Variants in LMX1B observed in about 807,000 individuals in gnomAD.
The protein encoded by LMX1B is LIM homeobox transcription factor 1-beta.
A neutral mutation model predicts 51.4 loss-of-function variants in LMX1B; 12 were observed. That is an observed-to-expected ratio of 0.23 (90% CI 0.15 to 0.38). The LOEUF (loss-of-function observed/expected upper bound fraction) is 0.38. LMX1B is among the 10% of genes least tolerant of loss of function. LMX1B has a pLI of 1.00. For synonymous variants in LMX1B, 237 were observed against 235.4 expected (o/e 1.01, Z -0.06); for missense variants, 445 against 571.1 (o/e 0.78, Z 2.25).
At chr9:126,689,177 T>G (rs569652227) in intron 2 of LMX1B, among the ~76,000 whole-genome samples, 1 of 152,274 alleles carries the variant, frequency 6.6e-6, no homozygotes, top group East Asian at 1.9e-4. Context: ...CTGGGTAGAA[T>G]AGAGGTGGGT....
intron 2 of LMX1B, among the ~76,000 whole-genome samples, chr9:126,637,097 A>C (rs558744410): frequency 6.6e-6 from 1 of 152,352 alleles, no homozygotes; most frequent in Admixed American, 6.5e-5. Context: ...CAGTGCTATC[A>C]GTCAGGGAGT....
chr9:126,614,099 T>TGCCGCC lies in LMX1B; in HGVS notation c.-344_-339dup, dbSNP rs1835246536. 1.9e-5 allele frequency among the ~76,000 whole-genome samples: 2 copies of TGCCGCC among 103,316 alleles called. No individual in the cohort carries two copies. The highest frequency in any genetic ancestry group is 4.2e-5 in the Non-Finnish European group (2 of 47,658). The allele number at this position is 103,316 out of a possible 152,430, so 67.8% of individuals were successfully genotyped here. A position where few individuals can be genotyped will look rare whatever the true frequency, so the allele number is the denominator to read the frequency against. On this transcript the variant is annotated 5_prime_UTR_variant, in exon 1 of 8. Transcript: ENST00000373474. ...CTGCACCCCCACCCCCTCCCCCGCCTGCCGCCGCCGCCACCGCCACCGCCG... is the reference window on the plus strand; with the variant it reads ...CTGCACCCCCACCCCCTCCCCCGCCTGCCGCCGCCGCCGCCGCCACCGCCACCGCCG...
chr9:126,624,961 C>T (rs548085083), intron 2 of LMX1B, among the ~76,000 whole-genome samples: 14 of 152,284 alleles, frequency 9.2e-5, no homozygotes, highest in African/African-American at 3.1e-4. Flanking sequence ...CCGGTTTTAT[C>T]TTCTAATAAG....
intron 2 of LMX1B, among the ~76,000 whole-genome samples, chr9:126,678,098 G>A (rs1588297504): frequency 6.6e-6 from 1 of 152,110 alleles, no homozygotes; most frequent in Admixed American, 6.5e-5. Flanking sequence ...ATCACTTGAG[G>A]TTGGGAGTTT....
chr9:126,658,219 G>T lies in LMX1B; in HGVS notation c.327-32617G>T, dbSNP rs117836425. ...GTTGTAGGAGTGGGACAGGGCAGGAGGGGGGTGAGTCTACAAAGGGTACCA... is the reference window on the plus strand; with the variant it reads ...GTTGTAGGAGTGGGACAGGGCAGGATGGGGGTGAGTCTACAAAGGGTACCA... On this transcript the variant is annotated intron_variant, in intron 2 of 7. Coordinates refer to ENST00000373474, the MANE Select transcript of LMX1B (RefSeq NM_001174147.2). The surrounding 1 kb of genome is among the most constrained non-coding windows in gnomAD (Gnocchi z 4.0). Among the ~76,000 whole-genome samples the T allele has an allele frequency of 2.0e-5, 3 of 152,084 alleles. No homozygotes were observed. The highest frequency in any genetic ancestry group is 7.2e-5 in the African/African-American group (3 of 41,398).
At chr9:126,621,200 T>C (rs1835404617) in intron 2 of LMX1B, among the ~76,000 whole-genome samples, 1 of 152,224 alleles carries the variant, frequency 6.6e-6, no homozygotes, top group Non-Finnish European at 1.5e-5. Context: ...ACTTCCAATT[T>C]GTTGGACACC....
chr9:126,621,101 A>G (rs970007899), intron 2 of LMX1B, among the ~76,000 whole-genome samples: 2 of 152,244 alleles, frequency 1.3e-5, no homozygotes, highest in African/African-American at 4.8e-5. Flanking sequence ...TTTCTAAAAA[A>G]TAAAGAAAAG....
intron 2 of LMX1B, among the ~76,000 whole-genome samples, chr9:126,685,566 G>C (rs1217601089): frequency 6.6e-6 from 1 of 152,182 alleles, no homozygotes; most frequent in African/African-American, 2.4e-5. Flanking sequence ...GGACAGGGTT[G>C]CCTTGAGGAG....
At position 126,618,440 on chromosome 9, in the gene LMX1B, A is replaced by G. The variant is rs1269862300; in HGVS notation, c.326+2871A>G. The stretch of plus-strand genomic sequence containing the variant: ...ATCCTCTTGTACATCCTTGGCGGGC[A>G]GAGCAGAGCGCCGGCCGTGGAGTTT... On this transcript the variant is annotated intron_variant, in intron 2 of 7. Transcript: ENST00000373474. The surrounding 1 kb of genome is among the most constrained non-coding windows in gnomAD (Gnocchi z 4.5). Among the ~76,000 whole-genome samples, 1 of 152,222 alleles carries G rather than the reference A, an allele frequency of 6.6e-6. No homozygotes were observed. The highest frequency in any genetic ancestry group is 2.4e-5 in the African/African-American group (1 of 41,462).
chr9:126,663,979 A>T (rs1355736636), intron 2 of LMX1B, among the ~76,000 whole-genome samples: 3 of 152,144 alleles, frequency 2.0e-5, no homozygotes, highest in Non-Finnish European at 2.9e-5. Context: ...TCTGCCTGGT[A>T]TTTTTGGCAC....
chr9:126,621,017 C>T (rs540708853), intron 2 of LMX1B, among the ~76,000 whole-genome samples: 1 of 152,252 alleles, frequency 6.6e-6, no homozygotes, highest in South Asian at 2.1e-4. Context: ...GGCTCTGTGG[C>T]CTTGTGAGGT....
chr9:126,681,900 CAA>C (rs1284203389), intron 2 of LMX1B, among the ~76,000 whole-genome samples: 3 of 139,060 alleles, frequency 2.2e-5, no homozygotes, highest in African/African-American at 5.6e-5. Context: ...GACTCCATCT[CAA>C]AAAAAAAAAA....
In LMX1B at chr9:126,695,668, G is replaced by A. The variant is rs1026798656; in HGVS notation, c.887-171G>A. Among the ~76,000 whole-genome samples, 3 of 152,278 alleles carry A rather than the reference G, an allele frequency of 2.0e-5. No individual in the cohort carries two copies. Among genetic ancestry groups the A allele is most frequent in the East Asian group, 3.9e-4 (2 of 5,182 alleles). On this transcript the variant is annotated intron_variant, in intron 6 of 7. Transcript: ENST00000373474. The surrounding 1 kb of genome is among the most constrained non-coding windows in gnomAD (Gnocchi z 5.2). ...TGGCTTTTGGTAAGCTGAGCCTGGA[G>A]GAGGAGCTGGAGTGTGCACCTGGGG...
chr9:126,627,185 C>T (rs1373416388), intron 2 of LMX1B, among the ~76,000 whole-genome samples: 1 of 152,060 alleles, frequency 6.6e-6, no homozygotes, highest in Non-Finnish European at 1.5e-5. Flanking sequence ...GAAGAGAGAC[C>T]CCCCGGTCTC....
At chr9:126,660,827 A>C (rs1344080817) in intron 2 of LMX1B, among the ~76,000 whole-genome samples, 1 of 152,174 alleles carries the variant, frequency 6.6e-6, no homozygotes, top group African/African-American at 2.4e-5. Context: ...AGCCAGTTGA[A>C]GTCAATGCCT....
rs541259524 is a variant in LMX1B, at chr9:126,699,613, G to C, written c.*3162G>C. 15 of 152,686 alleles carry C rather than the reference G, an allele frequency of 9.8e-5. No individual in the cohort carries two copies. The highest frequency in any genetic ancestry group is 3.6e-4 in the African/African-American group (15 of 41,566). 9.5% of individuals were successfully genotyped at this position (152,686 alleles called of 1,614,324 possible). The stretch of plus-strand genomic sequence containing the variant: ...GCCCACTCTGCCCAGCCCCGGACTG[G>C]GTGTGGCTCGCAGATGAACAAGATG... On this transcript the variant is annotated 3_prime_UTR_variant, in exon 8 of 8. Coordinates refer to ENST00000373474, the MANE Select transcript of LMX1B (RefSeq NM_001174147.2).
At chr9:126,621,655 C>CTTTTTT (rs71377950) in intron 2 of LMX1B, among the ~76,000 whole-genome samples, 8 of 116,902 alleles carry the variant, frequency 6.8e-5, no homozygotes, top group African/African-American at 2.8e-4. Flanking sequence ...TCTCTCTCTT[C>CTTTTTT]TTTTTTTTTT....
At chr9:126,662,025 C>A (rs1368748705) in intron 2 of LMX1B, among the ~76,000 whole-genome samples, 2 of 152,162 alleles carry the variant, frequency 1.3e-5, no homozygotes, top group Non-Finnish European at 2.9e-5. Flanking sequence ...AGGCATGGGA[C>A]ACCTGCGGGG....
chr9:126,635,020 C>G (rs1225069876), intron 2 of LMX1B, among the ~76,000 whole-genome samples: 1 of 152,220 alleles, frequency 6.6e-6, no homozygotes, highest in Non-Finnish European at 1.5e-5. Context: ...TGCTTCTAAG[C>G]CCTAGCACCC....
Sources: gnomAD v4.1 joint callset for allele counts (sites outside exome capture counted in the v4.1 genomes callset) on GRCh38, gnomAD v4.1.1 for gene constraint, Gnocchi (gnomAD v3.1) non-coding constraint, MANE v1.5 for transcripts, NCBI Gene and HGNC (gene_info 2026-07-23, HGNC 2026-07-21) for gene names.